The following MTUS2 variants were observed in gnomAD, a reference collection of about 807,000 sequenced individuals.
MTUS2 encodes microtubule associated scaffold protein 2, also known as microtubule-associated tumor suppressor candidate 2.
Under a neutral mutation model 114.1 loss-of-function variants are expected in MTUS2, and 40 were observed. That is an observed-to-expected ratio of 0.35 (90% confidence interval 0.27 to 0.46). The LOEUF (loss-of-function observed/expected upper bound fraction) is 0.46. MTUS2 is among the 20% of genes least tolerant of loss of function. The probability of loss-of-function intolerance (pLI) is 1.00; values close to 1 mark genes in which losing one functional copy is unlikely to be tolerated. For synonymous variants in MTUS2, 688 were observed against 672.0 expected, an observed-to-expected ratio of 1.02 and a Z score of -0.37; for missense variants, 1,679 against 1,705.4, an observed-to-expected ratio of 0.98 and a Z score of 0.27.
intron 5 of MTUS2, among the ~76,000 whole-genome samples, chr13:29,253,974 G>A (rs1042966161): frequency 3.9e-5 from 6 of 152,148 alleles, no homozygotes; most frequent in Non-Finnish European, 7.4e-5. Flanking sequence ...CCCACAACAC[G>A]TGGGAATTCC....
intron 2 of MTUS2, among the ~76,000 whole-genome samples, chr13:29,004,342 G>A (rs561499899): frequency 1.8e-4 from 27 of 152,202 alleles, no homozygotes; most frequent in Non-Finnish European, 1.3e-4. Context: ...AAATTGATTT[G>A]AGTTTGAAAG....
Position 29,024,651 on chromosome 13 carries a change from T to G in MTUS2, c.-48T>G. 6.3e-7 allele frequency: 1 copy of G among 1,581,652 alleles called. No individual in the cohort carries two copies. The highest frequency in any genetic ancestry group is 1.4e-5 in the African/African-American group (1 of 73,880). On this transcript the variant is annotated 5_prime_UTR_variant, in exon 3 of 16. Transcript: ENST00000612955. ...GATTGCAGCTTGAAGGCAGCCCATTTCCATTAAGTAGGACTGCATGGCAAG... is the reference window on the plus strand; with the variant it reads ...GATTGCAGCTTGAAGGCAGCCCATTGCCATTAAGTAGGACTGCATGGCAAG...
At chr13:29,132,584 C>T (rs755191755) in intron 5 of MTUS2, among the ~76,000 whole-genome samples, 8 of 152,168 alleles carry the variant, frequency 5.3e-5, no homozygotes, top group Non-Finnish European at 1.0e-4. Context: ...CTCTAGATAC[C>T]TCATATAATT....
intron 6 of MTUS2, among the ~76,000 whole-genome samples, chr13:29,312,928 C>A (rs1899833302): frequency 6.6e-6 from 1 of 152,130 alleles, no homozygotes; most frequent in Non-Finnish European, 1.5e-5. Context: ...AAAGCTATTT[C>A]AAAATGTCAG....
At chr13:29,038,413 G>C (rs987324228) in intron 4 of MTUS2, among the ~76,000 whole-genome samples, 1 of 152,346 alleles carries the variant, frequency 6.6e-6, no homozygotes, top group East Asian at 1.9e-4. Flanking sequence ...TCCTCTGGAA[G>C]CTTTGTCCCA....
chr13:29,195,277 G>A (rs993553945), intron 5 of MTUS2, among the ~76,000 whole-genome samples: 1 of 149,286 alleles, frequency 6.7e-6, no homozygotes, highest in African/African-American at 2.5e-5. Context: ...AAGTAATACA[G>A]GTTTAGTGTA....
chr13:29,058,581 T>A (rs1466101171), intron 4 of MTUS2, among the ~76,000 whole-genome samples: 5 of 60,660 alleles, frequency 8.2e-5, no homozygotes, highest in South Asian at 4.2e-4. Flanking sequence ...TTTTTTTTTT[T>A]AATTATTATT....
At chr13:29,437,082 G>A (rs766344974) in intron 8 of MTUS2, among the ~76,000 whole-genome samples, 3 of 152,156 alleles carry the variant, frequency 2.0e-5, no homozygotes, top group Non-Finnish European at 2.9e-5. Flanking sequence ...GGACTGATTT[G>A]TTATGATGTG....
intron 2 of MTUS2, among the ~76,000 whole-genome samples, chr13:28,981,282 A>G (rs1298058766): frequency 6.6e-6 from 1 of 152,254 alleles, no homozygotes; most frequent in Non-Finnish European, 1.5e-5. Context: ...ATAAAATGAG[A>G]AAAAGGAAAA....
chr13:29,400,858 G>C (rs1354931849), intron 8 of MTUS2, among the ~76,000 whole-genome samples: 1 of 152,208 alleles, frequency 6.6e-6, no homozygotes, highest in East Asian at 1.9e-4. Context: ...TCCTCAAAGA[G>C]AGAAAGCACT....
chr13:29,175,410 G>GT (rs1474626973), intron 5 of MTUS2, among the ~76,000 whole-genome samples: 2 of 152,158 alleles, frequency 1.3e-5, no homozygotes, highest in Non-Finnish European at 2.9e-5. Context: ...TTCATAGGCA[G>GT]TAACAGAGAA....
chr13:28,936,549 TG>T (rs946471158), intron 2 of MTUS2, among the ~76,000 whole-genome samples: 2 of 152,106 alleles, frequency 1.3e-5, no homozygotes, highest in Admixed American at 6.6e-5. Context: ...TGGTGTGGCT[TG>T]GGGGAAGAAC....
chr13:29,493,804 A>C (rs1220226994), intron 12 of MTUS2, among the ~76,000 whole-genome samples: 1 of 152,180 alleles, frequency 6.6e-6, no homozygotes, highest in Non-Finnish European at 1.5e-5. Flanking sequence ...GATATCACAA[A>C]AATCCCATCC....
At chr13:29,094,645 G>A (rs1193610879) in intron 4 of MTUS2, among the ~76,000 whole-genome samples, 4 of 151,552 alleles carry the variant, frequency 2.6e-5, no homozygotes, top group Non-Finnish European at 4.4e-5. Flanking sequence ...TGTTTTCATT[G>A]GCTTTCTCTC....
At chr13:29,081,720 T>A (rs1889450984) in intron 4 of MTUS2, among the ~76,000 whole-genome samples, 1 of 151,732 alleles carries the variant, frequency 6.6e-6, no homozygotes, top group East Asian at 1.9e-4. Flanking sequence ...CTTTAATTTA[T>A]ATTTTGGGTA....
chr13:29,456,504 A>G (rs1879119682), intron 9 of MTUS2, among the ~76,000 whole-genome samples: 1 of 152,226 alleles, frequency 6.6e-6, no homozygotes, highest in South Asian at 2.1e-4. Context: ...AGACCCAAGA[A>G]GCTAAGTGAA....
intron 5 of MTUS2, among the ~76,000 whole-genome samples, chr13:29,129,284 C>G (rs1243542021): frequency 2.0e-5 from 3 of 146,402 alleles, no homozygotes; most frequent in African/African-American, 5.1e-5. Context: ...AACTGTAATT[C>G]TGTATTTCTG....
At chr13:29,335,797 C>G (rs1474283550) in intron 7 of MTUS2, among the ~76,000 whole-genome samples, 1 of 152,170 alleles carries the variant, frequency 6.6e-6, no homozygotes, top group Non-Finnish European at 1.5e-5. Context: ...CAACTTGGTT[C>G]CTTTCTCACC....
At chr13:29,465,027 C>T (rs1172167115) in intron 9 of MTUS2, among the ~76,000 whole-genome samples, 1 of 152,188 alleles carries the variant, frequency 6.6e-6, no homozygotes, top group Non-Finnish European at 1.5e-5. Context: ...CCAGATTCCT[C>T]TTTTTTCATT....
Sources: allele counts gnomAD v4.1 joint callset (sites outside exome capture counted in the v4.1 genomes callset), GRCh38; gene constraint gnomAD v4.1.1; transcripts MANE v1.5; gene names NCBI Gene and HGNC (gene_info 2026-07-23, HGNC 2026-07-21).